Variants in PPCDC observed in about 807,000 individuals in gnomAD.
The protein encoded by PPCDC is phosphopantothenoylcysteine decarboxylase.
PPCDC carries 20 observed loss-of-function variants against 20.7 expected under a neutral mutation model. That is an observed-to-expected ratio of 0.97 (90% CI 0.68 to 1.41). The LOEUF (loss-of-function observed/expected upper bound fraction) is 1.41, where lower values mean the gene tolerates loss of function less well. PPCDC is among the 40% of genes most tolerant of loss of function. The pLI is 0.00. For missense variants in PPCDC, 246 were observed against 263.8 expected (o/e 0.93, Z 0.47); for synonymous variants, 88 against 100.3 (o/e 0.88, Z 0.73).
At chr15:75,034,610 C>T (rs1290090317) in intron 2 of PPCDC, among the ~76,000 whole-genome samples, 15 of 152,218 alleles carry the variant, frequency 9.9e-5, no homozygotes, top group African/African-American at 3.6e-4. Context: ...CTCCCCTGCT[C>T]AGGTTAGTGT....
intron 2 of PPCDC, among the ~76,000 whole-genome samples, chr15:75,040,844 G>A (rs547337788): frequency 3.2e-4 from 48 of 151,750 alleles, no homozygotes; most frequent in Middle Eastern, 3.4e-3. Flanking sequence ...TGTATTTTTT[G>A]TAGAGATGGG....
intron 2 of PPCDC, among the ~76,000 whole-genome samples, chr15:75,033,055 C>T (rs2066042781): frequency 6.6e-6 from 1 of 152,106 alleles, no homozygotes; most frequent in Non-Finnish European, 1.5e-5. Flanking sequence ...TGTCTGCCTC[C>T]ACCTCCCAAA....
Position 75,038,798 on chromosome 15 carries a change from G to A in PPCDC, c.136-4643G>A, listed in dbSNP as rs79811351. ...CTGTTCTCTCTGGAACTCTTTAATC[G>A]TCAGATTTTTTAACCTACTGAATTG... On this transcript the variant is annotated intron_variant, in intron 2 of 5. Coordinates refer to ENST00000342932, the MANE Select transcript of PPCDC (RefSeq NM_021823.5). Among the ~76,000 whole-genome samples the A allele has an allele frequency of 3.6e-3, 540 of 151,412 alleles. 14 individuals are homozygous for A. In the East Asian group the frequency reaches 0.094, roughly 26 times the overall value.
chr15:75,041,411 C>T (rs1030563685), intron 2 of PPCDC, among the ~76,000 whole-genome samples: 1 of 152,142 alleles, frequency 6.6e-6, no homozygotes, highest in African/African-American at 2.4e-5. Flanking sequence ...GGGTGGATTG[C>T]TTGAGCCTAG....
intron 2 of PPCDC, among the ~76,000 whole-genome samples, chr15:75,034,277 A>G (rs1433867432): frequency 6.6e-6 from 1 of 152,162 alleles, no homozygotes; most frequent in Non-Finnish European, 1.5e-5. Context: ...GCTCAAGCTC[A>G]CCAATGCTTG....
intron 4 of PPCDC, chr15:75,044,798 T>C: frequency 1.1e-5 from 4 of 363,344 alleles, no homozygotes; most frequent in South Asian, 1.0e-4. Context: ...AAGACCCTTC[T>C]TCCTTGCTCT....
chr15:75,027,864 C>T (rs1200273924), intron 1 of PPCDC, among the ~76,000 whole-genome samples: 1 of 152,244 alleles, frequency 6.6e-6, no homozygotes, highest in Non-Finnish European at 1.5e-5. Flanking sequence ...CCCAACCTGC[C>T]ACCCTCCTCA....
intron 3 of PPCDC, among the ~76,000 whole-genome samples, chr15:75,043,890 C>T (rs763731405): frequency 1.2e-4 from 18 of 152,200 alleles, no homozygotes; most frequent in East Asian, 1.9e-4. Flanking sequence ...CCACGGCCGC[C>T]GGGCTCTGCT....
chr15:75,047,988 C>T (rs764511344), intron 4 of PPCDC, among the ~76,000 whole-genome samples: 11 of 152,100 alleles, frequency 7.2e-5, no homozygotes, highest in South Asian at 2.1e-4. Flanking sequence ...GCCCATTGTC[C>T]GGGTGTGGGC....
chr15:75,043,851 C>T (rs560894435), intron 3 of PPCDC: 4 of 349,778 alleles, frequency 1.1e-5, no homozygotes, highest in East Asian at 6.3e-5. Flanking sequence ...TGGTTCCTGG[C>T]GTCAGGGCTG....
At chr15:75,047,170 G>T (rs1422244815) in intron 4 of PPCDC, among the ~76,000 whole-genome samples, 1 of 152,228 alleles carries the variant, frequency 6.6e-6, no homozygotes, top group Admixed American at 6.5e-5. Context: ...AGAAAGCCCA[G>T]CCCAGCCCTT....
intron 2 of PPCDC, among the ~76,000 whole-genome samples, chr15:75,034,101 A>G (rs2066057735): frequency 6.6e-6 from 1 of 152,108 alleles, no homozygotes; most frequent in Non-Finnish European, 1.5e-5. Context: ...TGTGGTCTAA[A>G]TGGCCCATGC....
At chr15:75,047,978 G>T (rs910416716) in intron 4 of PPCDC, among the ~76,000 whole-genome samples, 1 of 152,228 alleles carries the variant, frequency 6.6e-6, no homozygotes, top group Non-Finnish European at 1.5e-5. Context: ...CCTGGGTGGT[G>T]CCCATTGTCC....
At chr15:75,030,720 C>T (rs1323630043) in intron 2 of PPCDC, among the ~76,000 whole-genome samples, 1 of 152,176 alleles carries the variant, frequency 6.6e-6, no homozygotes, top group East Asian at 1.9e-4. Flanking sequence ...GTCGTGGGTT[C>T]AGGTGCTCAA....
intron 4 of PPCDC, among the ~76,000 whole-genome samples, chr15:75,046,305 T>C (rs1308847361): frequency 6.6e-6 from 1 of 152,222 alleles, no homozygotes. Context: ...GCTGCTCTCA[T>C]CAAATTGGGT....
intron 4 of PPCDC, among the ~76,000 whole-genome samples, chr15:75,045,908 T>TAA (rs34892601): frequency 7.1e-6 from 1 of 140,614 alleles, no homozygotes; most frequent in Non-Finnish European, 1.5e-5. Context: ...TGTCTCTAGT[T>TAA]AAAAAAAAAA....
chr15:75,032,605 A>G (rs1372051252), intron 2 of PPCDC, among the ~76,000 whole-genome samples: 1 of 151,940 alleles, frequency 6.6e-6, no homozygotes, highest in Non-Finnish European at 1.5e-5. Context: ...TTTATGGGAC[A>G]ATCTCTCAGT....
At chr15:75,032,245 G>A (rs2066030129) in intron 2 of PPCDC, among the ~76,000 whole-genome samples, 2 of 152,174 alleles carry the variant, frequency 1.3e-5, no homozygotes, top group African/African-American at 4.8e-5. Context: ...GCCAAAAGGG[G>A]ATTTCTAAAG....
In PPCDC at chr15:75,046,026, C is replaced by T. The variant is rs534930435; in HGVS notation, c.360+1512C>T. 2.0e-5 allele frequency among the ~76,000 whole-genome samples: 3 copies of T among 151,850 alleles called. No homozygotes were observed. In the South Asian group the frequency reaches 6.2e-4, roughly 31 times the overall value. On this transcript the variant is annotated intron_variant, in intron 4 of 5. Coordinates refer to ENST00000342932, the MANE Select transcript of PPCDC (RefSeq NM_021823.5). ...AGGAGTTTGAGACCAGCCTGAGCAA[C>T]ATGGTGAAACTCCATCTCTACAAAA...
Sources: allele counts gnomAD v4.1 joint callset (sites outside exome capture counted in the v4.1 genomes callset), GRCh38; gene constraint gnomAD v4.1.1; transcripts MANE v1.5; gene names NCBI Gene and HGNC (gene_info 2026-07-23, HGNC 2026-07-21).